Variants in KDM4B observed in about 807,000 individuals in gnomAD.
KDM4B encodes lysine-specific demethylase 4B.
Under a neutral mutation model 125.2 loss-of-function variants are expected in KDM4B, and 32 were observed. The ratio of observed to expected loss-of-function variants is 0.26; its 90% confidence interval spans 0.19 to 0.34. The LOEUF is 0.34. KDM4B is among the 10% of genes least tolerant of loss of function. The pLI, the probability that KDM4B is intolerant of heterozygous loss-of-function variation, is 1.00. For synonymous variants in KDM4B, 721 were observed against 677.9 expected (o/e 1.06, Z -0.99); for missense variants, 1,190 against 1,577.7 (o/e 0.75, Z 4.16).
chr19:5,066,669 C>T (rs756551886), intron 6 of KDM4B, among the ~76,000 whole-genome samples: 4 of 152,246 alleles, frequency 2.6e-5, no homozygotes, highest in South Asian at 4.1e-4. Context: ...GTCACCACCA[C>T]GTATGGCTCT....
intron 1 of KDM4B, among the ~76,000 whole-genome samples, chr19:4,975,506 A>G (rs984902477): frequency 1.1e-4 from 17 of 151,984 alleles, no homozygotes; most frequent in African/African-American, 4.1e-4. Context: ...AGCTATGGAA[A>G]CCATGTCAGC....
chr19:5,124,677 C>A (rs2039419818), intron 11 of KDM4B, among the ~76,000 whole-genome samples: 1 of 152,198 alleles, frequency 6.6e-6, no homozygotes, highest in Non-Finnish European at 1.5e-5. Flanking sequence ...GCTCATGCAA[C>A]CTCTACCTCC....
intron 11 of KDM4B, among the ~76,000 whole-genome samples, chr19:5,125,328 C>A (rs985198710): frequency 6.6e-6 from 1 of 152,216 alleles, no homozygotes; most frequent in African/African-American, 2.4e-5. Context: ...GACTCAGGTT[C>A]AGGGAGGTCC....
intron 5 of KDM4B, among the ~76,000 whole-genome samples, chr19:5,043,146 G>A (rs1340141030): frequency 3.3e-5 from 5 of 150,512 alleles, no homozygotes; most frequent in African/African-American, 7.3e-5. Context: ...ACCTTGTCCC[G>A]AGTGGTGTTT....
At chr19:5,137,451 C>G in intron 16 of KDM4B, 113 bp downstream of exon 16, 2 of 1,244,752 alleles carry the variant, frequency 1.6e-6, no homozygotes, top group South Asian at 1.3e-5. Context: ...GGTTCCTTCA[C>G]CTCTGCCCTG....
chr19:5,115,176 C>G lies in KDM4B; in HGVS notation c.1115+4358C>G, dbSNP rs949418166. On this transcript the variant is annotated intron_variant, in intron 10 of 22. Transcript: ENST00000159111. The surrounding 1 kb of genome is among the most constrained non-coding windows in gnomAD (Gnocchi z 4.2). ...TGCACCATGGGGCCACAGAAAGACA[C>G]AGTGGGCAGACATGGGCAGCTCCTG... Among the ~76,000 whole-genome samples, 5 of 152,290 alleles carry G rather than the reference C, an allele frequency of 3.3e-5. No individual in the cohort carries two copies. The highest frequency in any genetic ancestry group is 3.9e-4 in the East Asian group (2 of 5,182).
intron 1 of KDM4B, among the ~76,000 whole-genome samples, chr19:5,008,926 T>G (rs1416593165): frequency 8.7e-6 from 1 of 114,530 alleles, no homozygotes; most frequent in Non-Finnish European, 1.9e-5. Context: ...TTTTTTTTTT[T>G]TTTTTTAAAG....
chr19:5,074,594 G>C (rs1048168999), intron 7 of KDM4B: 1 of 152,246 alleles, frequency 6.6e-6, no homozygotes, highest in Admixed American at 6.5e-5. Flanking sequence ...AGAGGCCGCC[G>C]GCAGGCCGGG....
At position 5,081,865 on chromosome 19, in the gene KDM4B, G is replaced by A. The variant is rs540918066; in HGVS notation, c.781-502G>A. 1.3e-5 allele frequency among the ~76,000 whole-genome samples: 2 copies of A among 152,326 alleles called. No homozygotes were observed. The highest frequency in any genetic ancestry group is 4.8e-5 in the African/African-American group (2 of 41,568). ...GTGTCCTGAGCGCGTGCAGTGTCTT[G>A]TCTTCAGAGCACTCTAAAGCTGCTG... On this transcript the variant is annotated intron_variant, in intron 8 of 22. Coordinates refer to ENST00000159111, the MANE Select transcript of KDM4B (RefSeq NM_015015.3). This position sits in a 1 kb window ranked among gnomAD's most constrained non-coding sequence, Gnocchi z 4.2.
chr19:5,050,769 A>G (rs1383725824), intron 6 of KDM4B, among the ~76,000 whole-genome samples: 2 of 152,176 alleles, frequency 1.3e-5, no homozygotes, highest in African/African-American at 4.8e-5. Context: ...GTGTGGTGGC[A>G]GGTGCCTATA....
chr19:5,106,910 C>G (rs2039045924), intron 9 of KDM4B, among the ~76,000 whole-genome samples: 2 of 152,300 alleles, frequency 1.3e-5, no homozygotes, highest in Admixed American at 1.3e-4. Flanking sequence ...TTGGTGGGCC[C>G]AACCTGTAGA....
intron 15 of KDM4B, 63 bp from the exon 16 acceptor site, chr19:5,137,199 T>G: frequency 3.9e-6 from 5 of 1,285,218 alleles, no homozygotes; most frequent in Non-Finnish European, 5.5e-6. Context: ...CCCCCTGAGT[T>G]TCACTCGGCT....
At chr19:4,970,799 C>T (rs7255772) in intron 1 of KDM4B, among the ~76,000 whole-genome samples, 7,388 of 152,264 alleles carry the variant, frequency 0.049, 607 homozygotes, top group African/African-American at 0.16. Flanking sequence ...CCCTGAAGGT[C>T]GGAGCGTAAA....
At chr19:5,059,903 C>T (rs575865762) in intron 6 of KDM4B, among the ~76,000 whole-genome samples, 29 of 152,356 alleles carry the variant, frequency 1.9e-4, no homozygotes, top group Non-Finnish European at 3.7e-4. Context: ...ACTGCCTCTC[C>T]GGGATGCCTG....
chr19:5,041,167 T>C lies in KDM4B; in HGVS notation c.348T>C (p.Asp116=), dbSNP rs2240678. 1,446,929 of 1,612,104 alleles carry C rather than the reference T, an allele frequency of 0.9. 651,094 individuals are homozygous for C. Among genetic ancestry groups the C allele is most frequent in the African/African-American group, 0.98 (73,214 of 75,006 alleles). The change falls in exon 5 of 23, where the codon GAT becomes GAC. Residue 116 remains aspartate (D), a synonymous_variant. Transcript: ENST00000159111. ...KYCTPRHQDF[D]DLERKYWKNL... ...GTACCCCGCGGCACCAGGACTTTGA[T>C]GACCTTGAACGCAAATACTGGAAGA...
chr19:5,016,516 GTTC>G (rs2035896949), intron 2 of KDM4B, among the ~76,000 whole-genome samples, 177 bp downstream of exon 2: 1 of 152,268 alleles, frequency 6.6e-6, no homozygotes, highest in African/African-American at 2.4e-5. Context: ...TGGTAGGGAG[GTTC>G]TTCTGCAAGT....
chr19:5,061,517 C>T (rs117607596), intron 6 of KDM4B, among the ~76,000 whole-genome samples: 2 of 152,268 alleles, frequency 1.3e-5, no homozygotes, highest in East Asian at 3.9e-4. Context: ...GTGCTGGGGA[C>T]AAATGAGGGA....
chr19:4,982,410 C>T (rs1476648733), intron 1 of KDM4B, among the ~76,000 whole-genome samples: 2 of 146,550 alleles, frequency 1.4e-5, no homozygotes, highest in Non-Finnish European at 3.0e-5. Flanking sequence ...CAAGATCGCA[C>T]CACTGCGCTC....
rs537773791 is a variant in KDM4B at position 5,035,892 on chromosome 19, C to T, written c.141+2861C>T. On this transcript the variant is annotated intron_variant, in intron 3 of 22. Transcript: ENST00000159111. The surrounding 1 kb of genome is among the most constrained non-coding windows in gnomAD (Gnocchi z 5.3). ...GTGTGTGTGTGTGTGCGCGCGCGCG[C>T]GCGCCTGCGCGCACAGGAGACTGAG... 0.24 allele frequency among the ~76,000 whole-genome samples: 32,571 copies of T among 133,316 alleles called. 4,368 individuals are homozygous for T. Among genetic ancestry groups the T allele is most frequent in the East Asian group, 0.63 (3,024 of 4,776 alleles). The allele number at this position is 133,316 out of a possible 152,430, so 87.5% of individuals were successfully genotyped here.
Sources: gnomAD v4.1 joint callset for allele counts (sites outside exome capture counted in the v4.1 genomes callset) on GRCh38, gnomAD v4.1.1 for gene constraint, Gnocchi (gnomAD v3.1) non-coding constraint, MANE v1.5 for transcripts, NCBI Gene and HGNC (gene_info 2026-07-23, HGNC 2026-07-21) for gene names.